The following KHDRBS3 variants were observed in gnomAD, a reference collection of about 807,000 sequenced individuals.
The protein encoded by KHDRBS3 is KH domain-containing, RNA-binding, signal transduction-associated protein 3.
In KHDRBS3, 23 loss-of-function variants were observed where a neutral mutation model predicts 45.6. The ratio of observed to expected loss-of-function variants is 0.50; its 90% CI spans 0.36 to 0.72. The LOEUF (loss-of-function observed/expected upper bound fraction) is 0.72, where lower values mean the gene tolerates loss of function less well. Among genes scored for constraint, KHDRBS3 ranks in the 30% least tolerant of loss-of-function variants. The pLI is 0.00. For missense variants in KHDRBS3, 352 were observed against 424.8 expected, an observed-to-expected ratio of 0.83 and a Z score of 1.51; for synonymous variants, 162 against 156.5, an observed-to-expected ratio of 1.04 and a Z score of -0.26.
intron 1 of KHDRBS3, among the ~76,000 whole-genome samples, chr8:135,472,457 C>T (rs1352912399): frequency 1.3e-5 from 2 of 152,164 alleles, no homozygotes; most frequent in African/African-American, 2.4e-5. Context: ...TCTCCAGTGC[C>T]CAGAGCTGTG....
chr8:135,523,546 T>C (rs1367405830), intron 2 of KHDRBS3, among the ~76,000 whole-genome samples: 1 of 152,194 alleles, frequency 6.6e-6, no homozygotes, highest in Non-Finnish European at 1.5e-5. Context: ...CATTATACCA[T>C]TTGCTTAAAT....
At chr8:135,549,124 A>G (rs954130341) in intron 4 of KHDRBS3, 11 of 337,574 alleles carry the variant, frequency 3.3e-5, no homozygotes, top group East Asian at 2.2e-4. Context: ...AATATGGCCA[A>G]GGTTACATGG....
At chr8:135,561,981 A>T (rs1284694618) in intron 5 of KHDRBS3, among the ~76,000 whole-genome samples, 1 of 149,092 alleles carries the variant, frequency 6.7e-6, no homozygotes, top group Non-Finnish European at 1.5e-5. Flanking sequence ...CAAAAAGTTT[A>T]AAAAAAAAAG....
chr8:135,503,570 T>A (rs1435905997), intron 1 of KHDRBS3, among the ~76,000 whole-genome samples: 1 of 150,482 alleles, frequency 6.6e-6, no homozygotes, highest in Admixed American at 6.6e-5. Context: ...GTTTTTTTGT[T>A]TTTTTTTTTT....
chr8:135,595,914 A>G (rs1188549098), intron 6 of KHDRBS3, among the ~76,000 whole-genome samples: 2 of 152,218 alleles, frequency 1.3e-5, no homozygotes, highest in African/African-American at 4.8e-5. Flanking sequence ...TTGGGTATTG[A>G]TGAAAGTCAG....
chr8:135,576,339 G>A (rs1024720711), intron 5 of KHDRBS3, among the ~76,000 whole-genome samples: 1 of 152,138 alleles, frequency 6.6e-6, no homozygotes, highest in Non-Finnish European at 1.5e-5. Flanking sequence ...ACTTCCCCTA[G>A]GTGGAATATC....
At chr8:135,459,762 A>G (rs562679886) in intron 1 of KHDRBS3, among the ~76,000 whole-genome samples, 4 of 152,344 alleles carry the variant, frequency 2.6e-5, no homozygotes, top group African/African-American at 9.6e-5. Context: ...TTGTGTTGCT[A>G]AAACGTCCAA....
chr8:135,521,182 C>G, intron 1 of KHDRBS3, 55 bp from the exon 2 acceptor site: 1 of 1,050,644 alleles, frequency 9.5e-7, no homozygotes, highest in Non-Finnish European at 1.5e-6. Context: ...ACCAGAACAC[C>G]CAGCCCCTGC....
intron 4 of KHDRBS3, among the ~76,000 whole-genome samples, chr8:135,653,342 G>A (rs547788399): frequency 2.0e-5 from 3 of 152,304 alleles, no homozygotes; most frequent in African/African-American, 4.8e-5. Context: ...TGTTCAGTGA[G>A]GAACGAATGA....
At chr8:135,653,190 C>T (rs928605401) in intron 4 of KHDRBS3, among the ~76,000 whole-genome samples, 1 of 152,116 alleles carries the variant, frequency 6.6e-6, no homozygotes, top group Non-Finnish European at 1.5e-5. Flanking sequence ...GGCTAGATTT[C>T]TGTTCTGCTT....
At position 135,606,971 on chromosome 8, in the gene KHDRBS3, A is replaced by T. The variant is rs753430024; in HGVS notation, c.824A>T (p.Tyr275Phe). The T allele has an allele frequency of 1.9e-6, 3 of 1,613,328 alleles. No homozygotes were observed. The South Asian group carries it at 3.3e-5, about 18-fold the overall frequency. The change falls in exon 7 of 9, where the codon TAT (tyrosine) becomes TTT (phenylalanine). Residue 275 changes from tyrosine (Y) to phenylalanine (F), a missense_variant. Physicochemically the swap from Tyr to Phe is conservative, Grantham distance 22. This residue lies in a region of KHDRBS3 where 212 missense variants were observed against 209.6 expected (regional missense o/e 1.01). Coordinates refer to ENST00000355849, the MANE Select transcript of KHDRBS3 (RefSeq NM_006558.3). ...TYGEYDYDDG[Y>F]GTAYDEQSYD... ...ATGTTTTAGGACTATGATGATGGAT[A>T]TGGCACTGCTTATGATGAACAGAGT...
At chr8:135,589,706 G>A (rs1227784440) in intron 6 of KHDRBS3, among the ~76,000 whole-genome samples, 7 of 152,242 alleles carry the variant, frequency 4.6e-5, no homozygotes, top group Middle Eastern at 3.4e-3. Context: ...AGTAGACTGC[G>A]GGATCCTTTA....
intron 1 of KHDRBS3, among the ~76,000 whole-genome samples, chr8:135,478,815 A>G (rs111241850): frequency 1.2e-4 from 18 of 152,232 alleles, no homozygotes; most frequent in African/African-American, 3.6e-4. Context: ...CTTAAGAGAT[A>G]CAACAAAGCA....
At chr8:135,492,855 A>G (rs1356507316) in intron 1 of KHDRBS3, among the ~76,000 whole-genome samples, 1 of 152,156 alleles carries the variant, frequency 6.6e-6, no homozygotes, top group Non-Finnish European at 1.5e-5. Flanking sequence ...TTCTGCAAAA[A>G]CAGTCTACTG....
intron 6 of KHDRBS3, among the ~76,000 whole-genome samples, chr8:135,602,292 G>T (rs1010626143): frequency 6.6e-6 from 1 of 152,076 alleles, no homozygotes; most frequent in Non-Finnish European, 1.5e-5. Context: ...TTCAAGCGTT[G>T]TCCACTGAAC....
At chr8:135,554,055 T>C (rs778264037) in intron 4 of KHDRBS3, among the ~76,000 whole-genome samples, 6 of 152,140 alleles carry the variant, frequency 3.9e-5, no homozygotes, top group Non-Finnish European at 8.8e-5. Flanking sequence ...ACCTAGAATT[T>C]TAAAAAATTG....
At chr8:135,605,538 A>G (rs989209360) in intron 6 of KHDRBS3, among the ~76,000 whole-genome samples, 1 of 151,932 alleles carries the variant, frequency 6.6e-6, no homozygotes, top group Non-Finnish European at 1.5e-5. Flanking sequence ...CACTGTTCTT[A>G]TACTTTAGTT....
At chr8:135,502,906 A>G (rs1674496063) in intron 1 of KHDRBS3, among the ~76,000 whole-genome samples, 1 of 152,198 alleles carries the variant, frequency 6.6e-6, no homozygotes, top group South Asian at 2.1e-4. Context: ...CACATGAGGC[A>G]ATTTAAATTG....
chr8:135,465,276 T>A (rs372977250), intron 1 of KHDRBS3, among the ~76,000 whole-genome samples: 1 of 152,038 alleles, frequency 6.6e-6, no homozygotes, highest in African/African-American at 2.4e-5. Flanking sequence ...GTAGGGTTGC[T>A]GTTTTAGACG....
Sources: allele counts gnomAD v4.1 joint callset (sites outside exome capture counted in the v4.1 genomes callset), GRCh38; gene constraint gnomAD v4.1.1; regional missense constraint gnomAD v4.1.1; transcripts MANE v1.5; gene names NCBI Gene and HGNC (gene_info 2026-07-23, HGNC 2026-07-21).